RRH: variants seen among roughly 807,000 people sequenced by gnomAD.
RRH encodes the protein visual pigment-like receptor peropsin.
In RRH, 36 loss-of-function variants were observed where a neutral mutation model predicts 33.1. The observed-to-expected ratio is 1.09, with a 90% CI of 0.83 to 1.44. The LOEUF (loss-of-function observed/expected upper bound fraction) is 1.44. RRH is among the 40% of genes most tolerant of loss of function. RRH has a pLI of 0.00. For missense variants in RRH, 393 were observed against 420.2 expected, an observed-to-expected ratio of 0.94 and a Z score of 0.57; for synonymous variants, 124 against 140.2, an observed-to-expected ratio of 0.88 and a Z score of 0.82.
intron 5 of RRH, 29 bp from the exon 6 acceptor site, chr4:109,842,440 G>C (rs898018581): frequency 1.2e-6 from 2 of 1,600,076 alleles, no homozygotes; most frequent in Admixed American, 3.3e-5. Flanking sequence ...TTTAGGTATT[G>C]GGCTTGGTGA....
chr4:109,833,026 TGAACTAAAATA>T (rs1440500678), intron 1 of RRH, 102 bp from the exon 2 acceptor site: 22 of 838,666 alleles, frequency 2.6e-5, no homozygotes, highest in Non-Finnish European at 4.0e-5. Context: ...TTCAAATAAA[TGAACTAAAATA>T]GATCTGTTAT....
chr4:109,843,976 T>C, intron 6 of RRH, 107 bp from the exon 7 acceptor site: 1 of 744,222 alleles, frequency 1.3e-6, no homozygotes, highest in South Asian at 1.4e-5. Context: ...CAGAAATTTA[T>C]CCAGAGATGT....
In RRH at chr4:109,828,900, T is replaced by A. The variant is rs543880708; in HGVS notation, c.106+767T>A. On this transcript the variant is annotated intron_variant, in intron 1 of 6. Coordinates refer to ENST00000317735, the MANE Select transcript of RRH (RefSeq NM_006583.5). ...AGGTGTTGGACAAATATTTGTTTCT[T>A]TTTCCCTTTCCTCCCTACACACTCA... 3.3e-5 allele frequency among the ~76,000 whole-genome samples: 5 copies of A among 152,184 alleles called. No homozygotes were observed. The East Asian group carries it at 9.6e-4, about 29-fold the overall frequency.
chr4:109,834,833 A>G (rs904974690), intron 2 of RRH, among the ~76,000 whole-genome samples: 1 of 152,222 alleles, frequency 6.6e-6, no homozygotes, highest in Non-Finnish European at 1.5e-5. Context: ...TTATGAGAAC[A>G]TCTATTACTC....
At chr4:109,839,855 A>G (rs1484988130) in intron 5 of RRH, among the ~76,000 whole-genome samples, 1 of 152,184 alleles carries the variant, frequency 6.6e-6, no homozygotes, top group Non-Finnish European at 1.5e-5. Flanking sequence ...TATCCAGTCT[A>G]TCATTGATGA....
chr4:109,839,959 T>C (rs948241661), intron 5 of RRH, among the ~76,000 whole-genome samples: 2 of 152,234 alleles, frequency 1.3e-5, no homozygotes, highest in African/African-American at 4.8e-5. Context: ...AATACAATGA[T>C]TTATATTCCT....
chr4:109,832,414 G>A (rs959464909), intron 1 of RRH, among the ~76,000 whole-genome samples: 1 of 150,352 alleles, frequency 6.7e-6, no homozygotes, highest in African/African-American at 2.5e-5. Flanking sequence ...TCAGCTGTGA[G>A]GCTTCTCTAT....
chr4:109,844,349 A>C lies in RRH; in HGVS notation c.*152A>C. The C allele has an allele frequency of 1.7e-6, 1 of 588,540 alleles. No homozygotes were observed. The highest frequency in any genetic ancestry group is 1.8e-5 in the South Asian group (1 of 56,392). 36.5% of individuals were successfully genotyped at this position (588,540 alleles called of 1,614,324 possible). A position where few individuals can be genotyped will look rare whatever the true frequency, so the allele number is the denominator to read the frequency against. ...GCACAGCTCGTGCTTCTGTTTGTGC[A>C]CTCTGGCTGCTGTAGTGTATGCTTC... On this transcript the variant is annotated 3_prime_UTR_variant, in exon 7 of 7. Transcript: ENST00000317735.
At position 109,844,261 on chromosome 4, in the gene RRH, A is replaced by G. The variant is rs564987040; in HGVS notation, c.*64A>G. On this transcript the variant is annotated 3_prime_UTR_variant, in exon 7 of 7. Coordinates refer to ENST00000317735, the MANE Select transcript of RRH (RefSeq NM_006583.5). ...TTTTGACAATGCTTTTCTTTTAAAT[A>G]TGAGCCCATTTAGATCAAGTGCAGA... 8.3e-5 allele frequency: 85 copies of G among 1,019,658 alleles called. No individual in the cohort carries two copies. The African/African-American group carries it at 1.2e-3, about 14-fold the overall frequency. The allele number at this position is 1,019,658 out of a possible 1,614,324, so 63.2% of individuals were successfully genotyped here. A position where few individuals can be genotyped will look rare whatever the true frequency, so the allele number is the denominator to read the frequency against.
At position 109,835,345 on chromosome 4, in the gene RRH, CTT is replaced by C. The variant is rs1292823374; in HGVS notation, c.298-18_298-17del. ...GGGAGGGTGTTTAGAATGGTAGAGT[CTT>C]TTCAATTTTGGTTTTCAGGTTTATG... On this transcript the variant is annotated intron_variant, in intron 2 of 6. Transcript: ENST00000317735. 6.5e-7 allele frequency: 1 copy of C among 1,546,318 alleles called. No homozygotes were observed. Among genetic ancestry groups the C allele is most frequent in the East Asian group, 2.2e-5 (1 of 44,528 alleles).
chr4:109,836,000 A>C lies in RRH; in HGVS notation c.398-7A>C, dbSNP rs773090763. ...ATGTTGCTAATATTTCCTGTGCTTG[A>C]TAATAGGGAGAAGAATGACCACCAA... is the stretch of plus-strand genomic sequence containing the variant. On this transcript the variant is annotated splice_region_variant and splice_polypyrimidine_tract_variant and intron_variant, in intron 3 of 6. Transcript: ENST00000317735. 2.8e-5 allele frequency: 46 copies of C among 1,614,044 alleles called. No individual in the cohort carries two copies. The East Asian group carries it at 1.0e-3, about 36-fold the overall frequency.
intron 1 of RRH, among the ~76,000 whole-genome samples, chr4:109,829,848 A>C (rs1464501547): frequency 1.3e-5 from 2 of 152,168 alleles, no homozygotes; most frequent in Non-Finnish European, 2.9e-5. Flanking sequence ...GATCCACTGA[A>C]GGAAGCATAG....
At chr4:109,842,689 A>G in intron 6 of RRH, 42 bp downstream of exon 6, 1 of 1,532,632 alleles carries the variant, frequency 6.5e-7, no homozygotes, top group Middle Eastern at 1.7e-4. Flanking sequence ...AATAAAACTG[A>G]TATAAAAAGA....
chr4:109,834,029 T>C (rs557645532), intron 2 of RRH, among the ~76,000 whole-genome samples: 1 of 152,342 alleles, frequency 6.6e-6, no homozygotes, highest in African/African-American at 2.4e-5. Context: ...GGCCACCGCA[T>C]GCCATCTTCA....
At chr4:109,837,314 A>T in intron 4 of RRH, 123 bp from the exon 5 acceptor site, 1 of 914,414 alleles carries the variant, frequency 1.1e-6, no homozygotes, top group Non-Finnish European at 1.7e-6. Context: ...AGTCAAATAT[A>T]CTTCTAAAAT....
At chr4:109,829,541 AC>A (rs1733706368) in intron 1 of RRH, among the ~76,000 whole-genome samples, 1 of 152,122 alleles carries the variant, frequency 6.6e-6, no homozygotes, top group African/African-American at 2.4e-5. Context: ...TAGTAATCTT[AC>A]TACTACTGCT....
chr4:109,831,408 A>G (rs565243968), intron 1 of RRH, among the ~76,000 whole-genome samples: 1 of 152,210 alleles, frequency 6.6e-6, no homozygotes, highest in Non-Finnish European at 1.5e-5. Context: ...AATCTGCTGT[A>G]TGTCACGTAT....
chr4:109,834,730 A>G (rs34377477), intron 2 of RRH, among the ~76,000 whole-genome samples: 14,777 of 151,926 alleles, frequency 0.097, 850 homozygotes, highest in Admixed American at 0.15. Context: ...CTTTAGCCAC[A>G]TTGCTTAGGA....
chr4:109,837,966 A>G (rs1439978875), intron 5 of RRH, among the ~76,000 whole-genome samples: 25 of 152,006 alleles, frequency 1.6e-4, no homozygotes, highest in Admixed American at 1.6e-3. Context: ...TTTAGTAGAG[A>G]TGGGGTTTCA....
Sources: gnomAD v4.1 joint callset for allele counts (sites outside exome capture counted in the v4.1 genomes callset) on GRCh38, gnomAD v4.1.1 for gene constraint, MANE v1.5 for transcripts, NCBI Gene and HGNC (gene_info 2026-07-23, HGNC 2026-07-21) for gene names.